Variants in CCDC172 observed in about 807,000 individuals in gnomAD.
CCDC172 encodes the protein coiled-coil domain containing 172, also known as coiled-coil domain-containing protein 172.
CCDC172 carries 30 observed loss-of-function variants against 38.0 expected under a neutral mutation model. The observed-to-expected ratio is 0.79, with a 90% CI of 0.59 to 1.07. The LOEUF (loss-of-function observed/expected upper bound fraction) is 1.07, where lower values mean the gene tolerates loss of function less well. CCDC172 is among the 50% of genes least tolerant of loss of function. CCDC172 has a pLI of 0.00. For missense variants in CCDC172, 297 were observed against 290.1 expected, an observed-to-expected ratio of 1.02 and a Z score of -0.17; for synonymous variants, 78 against 88.3, an observed-to-expected ratio of 0.88 and a Z score of 0.66.
At chr10:116,347,409 G>A (rs1296879438) in intron 5 of CCDC172, among the ~76,000 whole-genome samples, 2 of 152,182 alleles carry the variant, frequency 1.3e-5, no homozygotes, top group South Asian at 2.1e-4. Flanking sequence ...GCAGATTGAG[G>A]TAATAAGCAG....
chr10:116,379,361 TA>T lies in CCDC172; in HGVS notation c.*4del. On this transcript the variant is annotated 3_prime_UTR_variant, in exon 9 of 9. Transcript: ENST00000333254. ...AAGATCTTCAGGAAAGCAAATAACT[TA>T]CAGAGAATTGATCAGCCATCTGAGA... is the stretch of plus-strand genomic sequence containing the variant. The T allele has an allele frequency of 6.3e-7, 1 of 1,578,460 alleles. No homozygotes were observed.
At position 116,376,631 on chromosome 10, in the gene CCDC172, TATG is replaced by T. The variant is rs200454455; in HGVS notation, c.654-1789_654-1787del. Among the ~76,000 whole-genome samples the T allele has an allele frequency of 7.0e-3, 1,064 of 152,336 alleles. 8 individuals carry two copies. Among genetic ancestry groups the T allele is most frequent in the African/African-American group, 0.024 (1,002 of 41,582 alleles). On this transcript the variant is annotated intron_variant, in intron 7 of 8. Transcript: ENST00000333254. The stretch of plus-strand genomic sequence containing the variant: ...AGCACATTTATAATCATCAAACTTG[TATG>T]ATATTAGTACAATTGTTGGCTCTTT...
chr10:116,325,187 A>G (rs559144038), intron 2 of CCDC172, 97 bp downstream of exon 2: 20 of 1,481,974 alleles, frequency 1.3e-5, no homozygotes, highest in Non-Finnish European at 1.8e-5. Flanking sequence ...CAGAGCCGTT[A>G]GGGGAGCTTG....
chr10:116,362,245 G>T (rs1402989385), intron 7 of CCDC172, among the ~76,000 whole-genome samples: 3 of 152,240 alleles, frequency 2.0e-5, no homozygotes, highest in Non-Finnish European at 4.4e-5. Flanking sequence ...GTACACACAT[G>T]TACATAGGTA....
intron 7 of CCDC172, 35 bp downstream of exon 7, chr10:116,357,973 G>C: frequency 8.6e-7 from 1 of 1,169,214 alleles, no homozygotes; most frequent in Non-Finnish European, 1.3e-6. Context: ...GCCTAAATCA[G>C]GTAATTTTTC....
At chr10:116,355,579 G>A (rs532377173) in intron 5 of CCDC172, among the ~76,000 whole-genome samples, 11 of 152,200 alleles carry the variant, frequency 7.2e-5, no homozygotes, top group South Asian at 6.2e-4. Flanking sequence ...TGTCAATCAC[G>A]TGAGGAATCC....
chr10:116,347,947 T>C (rs965278341), intron 5 of CCDC172, among the ~76,000 whole-genome samples: 7 of 152,178 alleles, frequency 4.6e-5, no homozygotes, highest in African/African-American at 1.7e-4. Flanking sequence ...CTAACCTTAC[T>C]TAGCTGTGCA....
At chr10:116,367,457 A>G (rs1422942841) in intron 7 of CCDC172, among the ~76,000 whole-genome samples, 1 of 152,166 alleles carries the variant, frequency 6.6e-6, no homozygotes, top group Non-Finnish European at 1.5e-5. Flanking sequence ...TGGGAGGCTG[A>G]CGCGGGCGGA....
At chr10:116,367,567 G>A (rs1270165561) in intron 7 of CCDC172, among the ~76,000 whole-genome samples, 1 of 151,960 alleles carries the variant, frequency 6.6e-6, no homozygotes, top group African/African-American at 2.4e-5. Context: ...GCGGGTGTTT[G>A]TAGTCCCAGC....
chr10:116,354,966 T>C (rs1589954840), intron 5 of CCDC172, among the ~76,000 whole-genome samples: 1 of 152,344 alleles, frequency 6.6e-6, no homozygotes, highest in Admixed American at 6.5e-5. Context: ...CTGTACTGTA[T>C]ATTTGTTTTA....
At chr10:116,328,651 A>C (rs1212907904) in intron 3 of CCDC172, among the ~76,000 whole-genome samples, 1 of 151,876 alleles carries the variant, frequency 6.6e-6, no homozygotes, top group Non-Finnish European at 1.5e-5. Flanking sequence ...TAAACACCAT[A>C]ACAATAATAA....
chr10:116,337,609 C>T (rs1415501304), intron 3 of CCDC172, among the ~76,000 whole-genome samples: 1 of 152,112 alleles, frequency 6.6e-6, no homozygotes, highest in East Asian at 1.9e-4. Flanking sequence ...ACTTAGGACA[C>T]AGAAGCAATG....
rs781469666 is a variant in CCDC172 at position 116,340,775 on chromosome 10, G to A, written c.207G>A (p.Leu69=). ...FFEKSFFLQL[L]KAHENALEKQ... is the part of the protein sequence containing the mutation. Reference sequence around the variant, plus strand: ...AAAAATCCTTCTTCTTACAGCTTTTGAAAGCTCATGAAAATGCTTTAGAAA... The same window carrying A: ...AAAAATCCTTCTTCTTACAGCTTTTAAAAGCTCATGAAAATGCTTTAGAAA... The change falls in exon 4 of 9, where the codon TTG becomes TTA. Residue 69 remains leucine (L), a synonymous_variant. Coordinates refer to ENST00000333254, the MANE Select transcript of CCDC172 (RefSeq NM_198515.3). The A allele has an allele frequency of 1.2e-5, 20 of 1,604,844 alleles. No individual in the cohort carries two copies. The highest frequency in any genetic ancestry group is 1.0e-4 in the Admixed American group (6 of 59,266).
At chr10:116,344,698 T>G (rs1844842681) in intron 5 of CCDC172, among the ~76,000 whole-genome samples, 1 of 152,168 alleles carries the variant, frequency 6.6e-6, no homozygotes, top group Non-Finnish European at 1.5e-5. Context: ...AACATTAACT[T>G]CAGCTTACTG....
chr10:116,364,409 A>G (rs919026277), intron 7 of CCDC172, among the ~76,000 whole-genome samples: 30 of 152,142 alleles, frequency 2.0e-4, no homozygotes, highest in Admixed American at 2.0e-4. Context: ...AGCATCTTAA[A>G]ATGTTTATGC....
rs750332973 is a variant in CCDC172 at position 116,325,061 on chromosome 10, C to T, written c.50C>T (p.Ala17Val). The change falls in exon 2 of 9, where the codon GCG becomes GTG. Residue 17 changes from alanine (A) to valine (V), a missense_variant. Physicochemically the swap from Ala to Val is moderately conservative, Grantham distance 64 (BLOSUM62 0). Coordinates refer to ENST00000333254, the MANE Select transcript of CCDC172 (RefSeq NM_198515.3). ...FQHIIFTEHQ[A>V]EESRRLMREV... ...CACATCATCTTCACCGAGCATCAGG[C>T]GGAGGAGAGTCGCCGTTTGATGCGA... 4.3e-6 allele frequency: 7 copies of T among 1,613,952 alleles called. No homozygotes were observed. Among genetic ancestry groups the T allele is most frequent in the Non-Finnish European group, 5.9e-6 (7 of 1,179,998 alleles).
intron 3 of CCDC172, among the ~76,000 whole-genome samples, chr10:116,333,226 T>C (rs935593583): frequency 2.0e-5 from 3 of 152,208 alleles, no homozygotes; most frequent in Non-Finnish European, 4.4e-5. Context: ...GTGAGATTTG[T>C]TCAGACCTGC....
chr10:116,327,821 T>C (rs777378106), intron 3 of CCDC172, among the ~76,000 whole-genome samples: 4 of 152,140 alleles, frequency 2.6e-5, no homozygotes, highest in Non-Finnish European at 5.9e-5. Context: ...ATCACAATTA[T>C]AATGCATATG....
chr10:116,329,899 A>G (rs557990411), intron 3 of CCDC172, among the ~76,000 whole-genome samples: 1 of 152,354 alleles, frequency 6.6e-6, no homozygotes, highest in African/African-American at 2.4e-5. Flanking sequence ...GGAACTGATC[A>G]TTGAGTATAT....
Sources: gnomAD v4.1 joint callset for allele counts (sites outside exome capture counted in the v4.1 genomes callset) on GRCh38, gnomAD v4.1.1 for gene constraint, MANE v1.5 for transcripts, NCBI Gene and HGNC (gene_info 2026-07-23, HGNC 2026-07-21) for gene names.